The following UNC80 variants were observed in gnomAD, a reference collection of about 807,000 sequenced individuals.
The protein encoded by UNC80 is protein unc-80 homolog.
A neutral mutation model predicts 384.6 loss-of-function variants in UNC80; 164 were observed. That is an observed-to-expected ratio of 0.43 (90% CI 0.38 to 0.49). The LOEUF is 0.49. Ranked by LOEUF, UNC80 falls within the 20% of genes least tolerant of loss-of-function variation. The probability of loss-of-function intolerance (pLI) is 0.00; values close to 1 mark genes in which losing one functional copy is unlikely to be tolerated. For synonymous variants in UNC80, 1,486 were observed against 1,527.8 expected, an observed-to-expected ratio of 0.97 and a Z score of 0.64; for missense variants, 3,330 against 4,143.0, an observed-to-expected ratio of 0.80 and a Z score of 5.39.
intron 31 of UNC80, 86 bp from the exon 32 acceptor site, chr2:209,917,691 G>A (rs1169405169): frequency 1.3e-5 from 19 of 1,457,236 alleles, no homozygotes; most frequent in Non-Finnish European, 1.8e-5. Flanking sequence ...ATTTTCAGAA[G>A]ATAGAAGCAG....
In UNC80 at chr2:209,794,173, A is replaced by T. The variant is rs186971001; in HGVS notation, c.938+314A>T. Among the ~76,000 whole-genome samples, 1,110 of 152,316 alleles carry T rather than the reference A, an allele frequency of 7.3e-3. 18 individuals are homozygous for T. Among genetic ancestry groups the T allele is most frequent in the African/African-American group, 0.025 (1,053 of 41,578 alleles). On this transcript the variant is annotated intron_variant, in intron 7 of 64. Coordinates refer to ENST00000673920, the MANE Select transcript of UNC80 (RefSeq NM_001371986.1). The stretch of plus-strand genomic sequence containing the variant: ...GATTATGTTGCAGAGATGTTAAAGG[A>T]TCTGTTTTAATATATAAGAATATTT...
Position 209,771,921 on chromosome 2 carries a change from A to G in UNC80, c.-152A>G. On this transcript the variant is annotated 5_prime_UTR_variant, in exon 1 of 65. Transcript: ENST00000673920. ...TCCACGCGCGGGGAGGGGTGGGGGG[A>G]GGGGAGAGGCACGGGGGATCAGGGC... 1 of 600,522 alleles carries G rather than the reference A, an allele frequency of 1.7e-6. No individual in the cohort carries two copies. Among genetic ancestry groups the G allele is most frequent in the East Asian group, 3.5e-5 (1 of 28,628 alleles). 37.2% of individuals were successfully genotyped at this position (600,522 alleles called of 1,614,324 possible). A position where few individuals can be genotyped will look rare whatever the true frequency, so the allele number is the denominator to read the frequency against.
chr2:209,863,080 C>T (rs112992016), intron 22 of UNC80, among the ~76,000 whole-genome samples: 17 of 152,252 alleles, frequency 1.1e-4, no homozygotes, highest in African/African-American at 3.9e-4. Flanking sequence ...TTTTATTTCT[C>T]CTTTGCTTAT....
Position 209,969,815 on chromosome 2 carries a change from G to T in UNC80, c.8054G>T (p.Cys2685Phe). The T allele has an allele frequency of 6.4e-7, 1 of 1,551,702 alleles. No individual in the cohort carries two copies. The highest frequency in any genetic ancestry group is 8.7e-7 in the Non-Finnish European group (1 of 1,146,986). Residue 2685 changes from cysteine (C) to phenylalanine (F), a missense_variant, in exon 53 of 65, where the codon TGT becomes TTT. Cys to Phe is a radical substitution (Grantham distance 205). Around this residue, in one of 8 missense-constraint regions of UNC80, gnomAD observed 1,049 missense variants for 1,488.6 expected, o/e 0.70. Transcript: ENST00000673920. ...GCCAGCAATTTGATTGAAGGGGTTT[G>T]TTTGACACTTCAGAGGCAGCCAATC... ...EPASNLIEGVCLTLQRQPIIS... is the reference protein window; with the variant it reads ...EPASNLIEGVFLTLQRQPIIS...
At chr2:209,991,858 A>G (rs763216333) in intron 61 of UNC80, among the ~76,000 whole-genome samples, 4 of 152,206 alleles carry the variant, frequency 2.6e-5, no homozygotes, top group Non-Finnish European at 5.9e-5. Context: ...TGAGATTAGA[A>G]TATGACATCT....
intron 4 of UNC80, among the ~76,000 whole-genome samples, chr2:209,783,625 A>G (rs2077266718): frequency 6.6e-6 from 1 of 152,152 alleles, no homozygotes; most frequent in Admixed American, 6.5e-5. Flanking sequence ...AATGATGACC[A>G]TGACAGTCAG....
chr2:209,845,871 G>A (rs903376944), intron 21 of UNC80, among the ~76,000 whole-genome samples: 2 of 152,024 alleles, frequency 1.3e-5, no homozygotes, highest in East Asian at 1.9e-4. Flanking sequence ...CCTTTATTGC[G>A]CAAACATCAT....
intron 18 of UNC80, 120 bp downstream of exon 18, chr2:209,835,130 T>A: frequency 1.3e-6 from 1 of 750,384 alleles, no homozygotes; most frequent in South Asian, 1.6e-5. Context: ...GCCTTGTTTC[T>A]ACCCTTTACA....
chr2:209,935,146 G>A (rs1172946638), intron 39 of UNC80, among the ~76,000 whole-genome samples: 1 of 152,126 alleles, frequency 6.6e-6, no homozygotes, highest in African/African-American at 2.4e-5. Flanking sequence ...CTAGAAAACA[G>A]GGATGTACTA....
At chr2:209,906,602 G>A (rs909149975) in intron 29 of UNC80, among the ~76,000 whole-genome samples, 2 of 151,894 alleles carry the variant, frequency 1.3e-5, no homozygotes, top group African/African-American at 4.8e-5. Context: ...TCAGAGTCAG[G>A]GCTTTTTAAA....
chr2:209,882,579 A>G (rs1424125623), intron 25 of UNC80, among the ~76,000 whole-genome samples: 1 of 152,198 alleles, frequency 6.6e-6, no homozygotes, highest in African/African-American at 2.4e-5. Context: ...TAATTTCATA[A>G]TAACCTGAAT....
At position 209,922,346 on chromosome 2, in the gene UNC80, G is replaced by T. The variant is rs540392120; in HGVS notation, c.5625G>T (p.Gly1875=). 6.4e-7 allele frequency: 1 copy of T among 1,551,804 alleles called. No homozygotes were observed. The highest frequency in any genetic ancestry group is 1.4e-5 in the African/African-American group (1 of 73,146). Reference sequence around the variant, plus strand: ...ACAGGAATTATTCCTTCCGCCGCGGGTCAGTCTGGTCAGTGCGTTCAGCCG... The same window carrying T: ...ACAGGAATTATTCCTTCCGCCGCGGTTCAGTCTGGTCAGTGCGTTCAGCCG... ...TSHRNYSFRR[G]SVWSVRSAVS... is the part of the protein sequence containing the mutation. The change falls in exon 35 of 65, where the codon GGG becomes GGT. Residue 1875 remains glycine (G), a synonymous_variant. Coordinates refer to ENST00000673920, the MANE Select transcript of UNC80 (RefSeq NM_001371986.1).
intron 59 of UNC80, 76 bp downstream of exon 59, chr2:209,978,784 C>A: frequency 7.6e-7 from 1 of 1,308,898 alleles, no homozygotes; most frequent in Non-Finnish European, 9.9e-7. Context: ...GATTACTGCC[C>A]TTCTGACCTT....
chr2:209,936,108 A>G (rs992146838), intron 40 of UNC80, among the ~76,000 whole-genome samples: 4 of 152,146 alleles, frequency 2.6e-5, no homozygotes, highest in Admixed American at 2.0e-4. Flanking sequence ...AAACTCGTGC[A>G]TCTTATTTCA....
Position 209,782,190 on chromosome 2 carries a change from C to T in UNC80, c.601-3876C>T, listed in dbSNP as rs117219017. 3.5e-4 allele frequency among the ~76,000 whole-genome samples: 53 copies of T among 152,294 alleles called. No homozygotes were observed. The East Asian group carries it at 9.5e-3, about 27-fold the overall frequency. On this transcript the variant is annotated intron_variant, in intron 4 of 64. Coordinates refer to ENST00000673920, the MANE Select transcript of UNC80 (RefSeq NM_001371986.1). ...AAATGTAGACAATATCACCAACATACTTAAAATAATTTGTTAATTTCTCGT... is the reference window on the plus strand; with the variant it reads ...AAATGTAGACAATATCACCAACATATTTAAAATAATTTGTTAATTTCTCGT...
At chr2:209,818,943 T>C (rs1574584536) in intron 11 of UNC80, 50 bp from the exon 12 acceptor site, 19 of 1,524,282 alleles carry the variant, frequency 1.2e-5, no homozygotes, top group Non-Finnish European at 1.7e-5. Flanking sequence ...GTCTAACTGG[T>C]ATTGTAGGTT....
chr2:209,915,266 A>G (rs1209539660), intron 31 of UNC80, among the ~76,000 whole-genome samples: 2 of 151,972 alleles, frequency 1.3e-5, no homozygotes, highest in South Asian at 2.1e-4. Flanking sequence ...TTAGCCGGGC[A>G]TGGTGGCAGG....
rs1359092873 is a variant in UNC80, at chr2:209,904,963, G to A, written c.4780G>A (p.Glu1594Lys). ...GGCTCTCCGGGGCAAGAAACAGAAA[G>A]AAGTAAGTAAATGACCATTGAATGA... ...SVALRGKKQK[E>K]CSDKSCLRTP... Residue 1594 changes from glutamate (E) to lysine (K), a missense_variant and splice_region_variant, in exon 29 of 65, where the codon GAA becomes AAA. Physicochemically the swap from Glu to Lys is moderately conservative, Grantham distance 56 (BLOSUM62 1). This residue lies in a region of UNC80 where 801 missense variants were observed against 950.8 expected (regional missense o/e 0.84). Transcript: ENST00000673920. 1 of 1,551,480 alleles carries A rather than the reference G, an allele frequency of 6.4e-7. No homozygotes were observed. Among genetic ancestry groups the A allele is most frequent in the Non-Finnish European group, 8.7e-7 (1 of 1,146,958 alleles).
At chr2:209,824,658 T>C (rs952116115) in intron 13 of UNC80, among the ~76,000 whole-genome samples, 5 of 152,070 alleles carry the variant, frequency 3.3e-5, no homozygotes, top group Non-Finnish European at 1.5e-5. Context: ...GAATGAATGC[T>C]GCAGTGCCAA....
Sources: allele counts gnomAD v4.1 joint callset (sites outside exome capture counted in the v4.1 genomes callset), GRCh38; gene constraint gnomAD v4.1.1; regional missense constraint gnomAD v4.1.1; transcripts MANE v1.5; gene names NCBI Gene and HGNC (gene_info 2026-07-23, HGNC 2026-07-21).